RELN: variants seen among roughly 807,000 people sequenced by gnomAD.
RELN encodes reelin.
RELN carries 108 observed loss-of-function variants against 427.6 expected under a neutral mutation model. That is an observed-to-expected ratio of 0.25 (90% confidence interval 0.22 to 0.30). The LOEUF is 0.30. Among genes scored for constraint, RELN ranks in the 10% least tolerant of loss-of-function variants. The probability of loss-of-function intolerance (pLI) is 1.00; values close to 1 mark genes in which losing one functional copy is unlikely to be tolerated. For synonymous variants in RELN, 1,524 were observed against 1,513.4 expected, an observed-to-expected ratio of 1.01 and a Z score of -0.16; for missense variants, 3,715 against 4,302.8, an observed-to-expected ratio of 0.86 and a Z score of 3.82.
chr7:103,765,146 C>T (rs187687284), intron 4 of RELN, among the ~76,000 whole-genome samples: 1 of 152,306 alleles, frequency 6.6e-6, no homozygotes, highest in East Asian at 1.9e-4. Flanking sequence ...GGATGAAATA[C>T]TTGTTAAAGT....
intron 34 of RELN, among the ~76,000 whole-genome samples, chr7:103,564,069 G>A (rs948564554): frequency 1.3e-5 from 2 of 152,182 alleles, no homozygotes; most frequent in African/African-American, 4.8e-5. Flanking sequence ...CCTGGCATCA[G>A]CTTATTCATG....
rs2116860341 is a variant in RELN at position 103,989,278 on chromosome 7, C to T, written c.79G>A (p.Ala27Thr). 5.6e-6 allele frequency: 9 copies of T among 1,613,352 alleles called. No homozygotes were observed. Among genetic ancestry groups the T allele is most frequent in the Non-Finnish European group, 7.6e-6 (9 of 1,179,898 alleles). The stretch of plus-strand genomic sequence containing the variant: ...GGCGAAAAGCGGGGGTAATAGCCAG[C>T]CGCCGCGCGCGCCCTCAGCGTCGCC... ...LGATLRARAA[A>T]GYYPRFSPFF... The change falls in exon 1 of 65, where the codon GCT becomes ACT. Residue 27 changes from alanine to threonine, a missense_variant. Physicochemically the swap from Ala to Thr is moderately conservative, Grantham distance 58. Around this residue, in one of 4 missense-constraint regions of RELN, gnomAD observed 2,208 missense variants for 2,361.7 expected, o/e 0.93. Transcript: ENST00000428762. This position sits in a 1 kb window ranked among gnomAD's most constrained non-coding sequence, Gnocchi z 4.9.
rs778948553 is a variant in RELN, at chr7:103,551,136, G to C, written c.6233C>G (p.Thr2078Ser). The stretch of plus-strand genomic sequence containing the variant: ...GCCCTGCATGGTTCCTGCGTAGTAG[G>C]TGCTGCTGGGGTGGTGCTCGGTGGA... ...LCSTEHHPSS[T>S]YYAGTMQGWR... The change falls in exon 41 of 65, where the codon ACC becomes AGC. Residue 2078 changes from threonine to serine, a missense_variant. Thr to Ser is a moderately conservative substitution (Grantham distance 58). Transcript: ENST00000428762. The C allele has an allele frequency of 6.2e-7, 1 of 1,613,944 alleles. No homozygotes were observed. The highest frequency in any genetic ancestry group is 8.5e-7 in the Non-Finnish European group (1 of 1,180,026).
chr7:103,577,584 G>T (rs1473598510), intron 28 of RELN, among the ~76,000 whole-genome samples: 6 of 148,018 alleles, frequency 4.1e-5, no homozygotes, highest in Non-Finnish European at 4.5e-5. Flanking sequence ...AAGTACAATT[G>T]TCTTAGTGTC....
At chr7:103,611,554 T>C in intron 21 of RELN, 57 bp downstream of exon 21, 3 of 1,287,092 alleles carry the variant, frequency 2.3e-6, no homozygotes, top group Non-Finnish European at 3.3e-6. Context: ...TTTTTTTGGC[T>C]TCCTAGGTAA....
intron 2 of RELN, among the ~76,000 whole-genome samples, chr7:103,858,727 A>T (rs973505503): frequency 6.6e-6 from 1 of 152,188 alleles, no homozygotes; most frequent in South Asian, 2.1e-4. Context: ...AGGCTTGAAC[A>T]CACAAAATGC....
chr7:103,934,710 A>G (rs1486332995), intron 1 of RELN, among the ~76,000 whole-genome samples: 3 of 152,238 alleles, frequency 2.0e-5, no homozygotes, highest in African/African-American at 7.2e-5. Flanking sequence ...TAGTGATGGA[A>G]GCAGCACCTA....
rs148373402 is a variant in RELN at position 103,513,149 on chromosome 7, C to T, written c.8119+2036G>A. ...GAGCCAGTTTATTCTGGGGTACATACTTCATTTTATGCTAGAACTCTGCAA... is the reference window on the plus strand; with the variant it reads ...GAGCCAGTTTATTCTGGGGTACATATTTCATTTTATGCTAGAACTCTGCAA... On this transcript the variant is annotated intron_variant, in intron 50 of 64. Transcript: ENST00000428762. The T allele has an allele frequency of 1.7e-3, 261 of 152,282 alleles. 2 individuals carry two copies. The highest frequency in any genetic ancestry group is 6.0e-3 in the African/African-American group (250 of 41,554). The allele number at this position is 152,282 out of a possible 1,614,324, so 9.4% of individuals were successfully genotyped here.
chr7:103,774,504 T>C (rs1791688193), intron 4 of RELN, among the ~76,000 whole-genome samples: 2 of 152,154 alleles, frequency 1.3e-5, no homozygotes, highest in South Asian at 4.1e-4. Flanking sequence ...TTAATTAAAA[T>C]CAACAAACAT....
intron 11 of RELN, among the ~76,000 whole-genome samples, chr7:103,679,965 T>A (rs1264776097): frequency 6.6e-6 from 1 of 152,218 alleles, no homozygotes; most frequent in Non-Finnish European, 1.5e-5. Flanking sequence ...GAGAGCTGAA[T>A]GGACTATTCA....
chr7:103,884,204 G>A (rs538271992), intron 2 of RELN, among the ~76,000 whole-genome samples: 1 of 152,086 alleles, frequency 6.6e-6, no homozygotes. Context: ...TTTAATAAAC[G>A]TCATTGGAAA....
At chr7:103,846,615 G>T (rs1793683651) in intron 2 of RELN, among the ~76,000 whole-genome samples, 1 of 152,170 alleles carries the variant, frequency 6.6e-6, no homozygotes, top group Non-Finnish European at 1.5e-5. Context: ...CACAGCAAAA[G>T]AAACTATCAT....
intron 2 of RELN, among the ~76,000 whole-genome samples, chr7:103,900,082 T>G (rs1449206843): frequency 6.6e-6 from 1 of 152,152 alleles, no homozygotes; most frequent in East Asian, 1.9e-4. Flanking sequence ...CTCAAGCTGA[T>G]TAGCAACTTC....
At chr7:103,875,226 T>C (rs1159644380) in intron 2 of RELN, among the ~76,000 whole-genome samples, 1 of 149,290 alleles carries the variant, frequency 6.7e-6, no homozygotes, top group African/African-American at 2.4e-5. Context: ...ATTAAAGATT[T>C]AAACGTTAGA....
chr7:103,773,160 C>CTTTCTTTCT (rs1352105311), intron 4 of RELN, among the ~76,000 whole-genome samples: 79 of 131,854 alleles, frequency 6.0e-4, no homozygotes, highest in African/African-American at 2.2e-3. Flanking sequence ...TTCTTTCTTT[C>CTTTCTTTCT]TTTCTTTTTC....
At chr7:103,786,684 G>A (rs2116252543) in intron 3 of RELN, among the ~76,000 whole-genome samples, 1 of 152,256 alleles carries the variant, frequency 6.6e-6, no homozygotes, top group South Asian at 2.1e-4. Context: ...CAATACAGGA[G>A]CATCCAGATT....
intron 57 of RELN, among the ~76,000 whole-genome samples, chr7:103,494,715 CTATTAAT>C (rs752388411): frequency 1.5e-4 from 23 of 151,352 alleles, no homozygotes; most frequent in Non-Finnish European, 1.3e-4. Context: ...CTCTGAGTGT[CTATTAAT>C]TATTTATGTC....
chr7:103,515,077 A>C (rs2117075645), intron 50 of RELN, 108 bp downstream of exon 50: 1 of 1,375,934 alleles, frequency 7.3e-7, no homozygotes. Flanking sequence ...GCGTTTCTAC[A>C]CCACTGGAAC....
chr7:103,914,750 T>G (rs1487423809), intron 2 of RELN, among the ~76,000 whole-genome samples: 1 of 152,082 alleles, frequency 6.6e-6, no homozygotes, highest in African/African-American at 2.4e-5. Context: ...TACAAGCAGG[T>G]CAATGTGACT....
Sources: gnomAD v4.1 joint callset for allele counts (sites outside exome capture counted in the v4.1 genomes callset) on GRCh38, gnomAD v4.1.1 for gene constraint, gnomAD v4.1.1 regional missense constraint, Gnocchi (gnomAD v3.1) non-coding constraint, MANE v1.5 for transcripts, NCBI Gene and HGNC (gene_info 2026-07-23, HGNC 2026-07-21) for gene names.